PKD1L3: variants seen among roughly 807,000 people sequenced by gnomAD.
PKD1L3 encodes polycystin 1 like 3, transient receptor potential channel interacting.
In PKD1L3, 239 loss-of-function variants were observed where a neutral mutation model predicts 184.1. The observed-to-expected ratio is 1.30, with a 90% confidence interval of 1.17 to 1.45. The LOEUF is 1.45. Among genes scored for constraint, PKD1L3 ranks in the 40% most tolerant of loss-of-function variants. The pLI, the probability that PKD1L3 is intolerant of heterozygous loss-of-function variation, is 0.00. For missense variants in PKD1L3, 2,660 were observed against 2,067.2 expected (o/e 1.29, Z -5.56); for synonymous variants, 996 against 778.8 (o/e 1.28, Z -4.64).
chr16:71,952,984 T>G lies in PKD1L3; in HGVS notation c.2919A>C (p.Pro973=). 6.5e-7 allele frequency: 1 copy of G among 1,549,862 alleles called. No homozygotes were observed. Among genetic ancestry groups the G allele is most frequent in the Non-Finnish European group, 8.7e-7 (1 of 1,146,314 alleles). ...VIGRLFPLIE[P]QETLPLFPPI... is the part of the protein sequence containing the mutation. ...GAGGAAAGAGGGGCAGAGTCTCCTG[T>G]GGCTCAATCAACGGGAAGAGCCGCC... Residue 973 remains proline, a synonymous_variant, in exon 18 of 30, where the codon CCA becomes CCC. Transcript: ENST00000620267.
chr16:71,963,437 A>G, intron 15 of PKD1L3, 86 bp from the exon 16 acceptor site: 2 of 1,333,738 alleles, frequency 1.5e-6, no homozygotes, highest in Non-Finnish European at 2.0e-6. Context: ...CCATTAGTAA[A>G]CTGTCCAAGT....
At chr16:71,992,039 TG>T (rs2040609121) in intron 3 of PKD1L3, among the ~76,000 whole-genome samples, 2 of 152,202 alleles carry the variant, frequency 1.3e-5, no homozygotes, top group South Asian at 4.1e-4. Flanking sequence ...CAGGTTGGAC[TG>T]GAACTCCTGG....
At chr16:71,981,461 GT>G (rs2040150398) in intron 7 of PKD1L3, among the ~76,000 whole-genome samples, 1 of 150,354 alleles carries the variant, frequency 6.7e-6, no homozygotes, top group African/African-American at 2.4e-5. Context: ...GACCAATGAT[GT>G]CGAGCATCTT....
intron 10 of PKD1L3, among the ~76,000 whole-genome samples, chr16:71,977,799 A>G (rs907122612): frequency 1.3e-5 from 2 of 152,020 alleles, no homozygotes; most frequent in Non-Finnish European, 2.9e-5. Context: ...TTTTGAGACC[A>G]AGCATTACTC....
rs554881167 is a variant in PKD1L3 at position 71,998,597 on chromosome 16, C to T, written c.296-203G>A. 9.2e-5 allele frequency among the ~76,000 whole-genome samples: 14 copies of T among 152,188 alleles called. No homozygotes were observed. In the East Asian group the frequency reaches 2.7e-3, roughly 29 times the overall value. Reference sequence around the variant, plus strand: ...TCCCAAGTAGCTGGGATTACAGGCACCCGCCACCACGCCCAGCTAATTTTT... The same window carrying T: ...TCCCAAGTAGCTGGGATTACAGGCATCCGCCACCACGCCCAGCTAATTTTT... On this transcript the variant is annotated intron_variant, in intron 1 of 29. Coordinates refer to ENST00000620267, the MANE Select transcript of PKD1L3 (RefSeq NM_181536.2).
intron 12 of PKD1L3, among the ~76,000 whole-genome samples, chr16:71,970,613 GC>G (rs1347246483): frequency 2.6e-5 from 4 of 152,056 alleles, no homozygotes; most frequent in Non-Finnish European, 5.9e-5. Context: ...TTTGAGACCA[GC>G]CTGGACAACA....
In PKD1L3 at chr16:71,940,659, C is replaced by T. The variant is rs368429015; in HGVS notation, c.4324+1901G>A. Among the ~76,000 whole-genome samples, 30 of 151,880 alleles carry T rather than the reference C, an allele frequency of 2.0e-4. 2 individuals carry two copies. Among genetic ancestry groups the T allele is most frequent in the East Asian group, 1.2e-3 (6 of 5,172 alleles). ...GGATTACAGGCATGTGCCACCATGC[C>T]TGGCTAATTTTTGTATTTTTAGTAG... On this transcript the variant is annotated intron_variant, in intron 24 of 29. Transcript: ENST00000620267.
rs369878323 is a variant in PKD1L3 at position 71,977,287 on chromosome 16, T to G, written c.1708A>C (p.Thr570Pro). 5 of 1,540,700 alleles carry G rather than the reference T, an allele frequency of 3.2e-6. No individual in the cohort carries two copies. Among genetic ancestry groups the G allele is most frequent in the South Asian group, 1.2e-5 (1 of 83,796 alleles). ...AGGGTGATGTTCAGGTGGAAGTGAG[T>G]GCAGTTAGGCTGATACTGGAACCCC... ...YLGFQYQPNCTHFHLNITLPK... is the reference protein window; with the variant it reads ...YLGFQYQPNCPHFHLNITLPK... Residue 570 changes from threonine to proline, a missense_variant, in exon 11 of 30, where the codon ACT becomes CCT. Physicochemically the swap from Thr to Pro is conservative, Grantham distance 38. Transcript: ENST00000620267.
chr16:71,937,740 G>A (rs953255459), intron 24 of PKD1L3, among the ~76,000 whole-genome samples: 4 of 152,268 alleles, frequency 2.6e-5, no homozygotes, highest in Non-Finnish European at 5.9e-5. Context: ...GCAGAGAGAG[G>A]TCTAAAGCAC....
In PKD1L3 at chr16:71,943,001, A is replaced by G. The variant is rs2038415115; in HGVS notation, c.3883T>C (p.Leu1295=). 3 of 1,551,116 alleles carry G rather than the reference A, an allele frequency of 1.9e-6. No individual in the cohort carries two copies. In the African/African-American group the frequency reaches 4.1e-5, roughly 21 times the overall value. ...ILVQILFLTL[L]MTAIYSAKNS... Reference sequence around the variant, plus strand: ...TTTGCAGAGTAGATTGCAGTCATCAACAGGGTAAGGAAGAGGATTTGTACT... The same window carrying G: ...TTTGCAGAGTAGATTGCAGTCATCAGCAGGGTAAGGAAGAGGATTTGTACT... Residue 1295 remains leucine (L), a synonymous_variant, in exon 24 of 30, where the codon TTG becomes CTG. Coordinates refer to ENST00000620267, the MANE Select transcript of PKD1L3 (RefSeq NM_181536.2).
intron 17 of PKD1L3, among the ~76,000 whole-genome samples, chr16:71,953,570 A>G (rs1428283221): frequency 6.6e-6 from 1 of 152,238 alleles, no homozygotes; most frequent in African/African-American, 2.4e-5. Context: ...ACATGGTGGC[A>G]GAAGAGTGAC....
At position 71,999,854 on chromosome 16, in the gene PKD1L3, C is replaced by A; in HGVS notation, c.125G>T (p.Cys42Phe). Reference protein sequence around the residue: ...NNCYQLNRFQCSFEEAQHYCH... With the variant: ...NNCYQLNRFQFSFEEAQHYCH... The stretch of plus-strand genomic sequence containing the variant: ...GTAATGCTGTGCTTCCTCAAAGCTG[C>A]ATTGAAATCTGTTAAGCTGGTAACA... The change falls in exon 1 of 30, where the codon TGC becomes TTC. Residue 42 changes from cysteine (C) to phenylalanine (F), a missense_variant. By Grantham distance (205) the Cys-to-Phe change is radical. Transcript: ENST00000620267. 1.9e-6 allele frequency: 3 copies of A among 1,551,758 alleles called. No homozygotes were observed. Among genetic ancestry groups the A allele is most frequent in the Non-Finnish European group, 1.7e-6 (2 of 1,147,018 alleles).
Position 71,935,423 on chromosome 16 carries a change from C to T in PKD1L3, c.4548G>A (p.Gly1516=), listed in dbSNP as rs1216886399. Residue 1516 remains glycine, a synonymous_variant, in exon 26 of 30, where the codon GGG becomes GGA. Coordinates refer to ENST00000620267, the MANE Select transcript of PKD1L3 (RefSeq NM_181536.2). The stretch of plus-strand genomic sequence containing the variant: ...GTAGAGAAATACTCTTCATGTCAAG[C>T]CCCAGGAGGATGAAGCTAATGAGGA... ...SIILISFILL[G]LDMKSISLHK... is the part of the protein sequence containing the mutation. 1.9e-6 allele frequency: 3 copies of T among 1,551,946 alleles called. No homozygotes were observed. Among genetic ancestry groups the T allele is most frequent in the Middle Eastern group, 1.7e-4 (1 of 5,994 alleles).
rs1465353846 is a variant in PKD1L3 at position 71,968,020 on chromosome 16, C to T, written c.2185-13G>A. 26 of 1,544,162 alleles carry T rather than the reference C, an allele frequency of 1.7e-5. No individual in the cohort carries two copies. The highest frequency in any genetic ancestry group is 2.3e-5 in the Non-Finnish European group (26 of 1,140,456). On this transcript the variant is annotated splice_polypyrimidine_tract_variant and intron_variant, in intron 13 of 29. Coordinates refer to ENST00000620267, the MANE Select transcript of PKD1L3 (RefSeq NM_181536.2). ...CAGTGACCTTCACCTGCAAGAAAAG[C>T]AGAACCATGCAACTTACTAGGCCTC...
Position 71,986,237 on chromosome 16 carries a change from T to C in PKD1L3, c.818A>G (p.Gln273Arg). 6.4e-7 allele frequency: 1 copy of C among 1,552,370 alleles called. No homozygotes were observed. The highest frequency in any genetic ancestry group is 8.7e-7 in the Non-Finnish European group (1 of 1,147,124). The change falls in exon 5 of 30, where the codon CAG becomes CGG. Residue 273 changes from glutamine to arginine, a missense_variant. Coordinates refer to ENST00000620267, the MANE Select transcript of PKD1L3 (RefSeq NM_181536.2). The part of the protein sequence containing the change: ...TFTSYLQVSL[Q>R]KASGQVIDEI... The stretch of plus-strand genomic sequence containing the variant: ...CATGTTTACCTGACCAGATGCCTTC[T>C]GCAATGACACTTGTAGATAAGAGGT...
At position 71,978,495 on chromosome 16, in the gene PKD1L3, G is replaced by GTGTATATA. The variant is rs1467316917; in HGVS notation, c.1399-113_1399-112insTATATACA. The GTGTATATA allele has an allele frequency of 2.8e-5, 4 of 144,462 alleles. No individual in the cohort carries two copies. The Admixed American group carries it at 4.1e-4, about 15-fold the overall frequency. The allele number at this position is 144,462 out of a possible 1,614,324, so 8.9% of individuals were successfully genotyped here. On this transcript the variant is annotated intron_variant, in intron 9 of 29. Transcript: ENST00000620267. ...TATATATGTGTGTGTGTGTGTGTGTGTATATATATATATATATATATATAT... is the reference window on the plus strand; with the variant it reads ...TATATATGTGTGTGTGTGTGTGTGTGTGTATATATATATATATATATATATATATATAT...
rs550619169 is a variant in PKD1L3, at chr16:71,994,734, C to T, written c.419-1402G>A. Among the ~76,000 whole-genome samples, 74 of 152,230 alleles carry T rather than the reference C, an allele frequency of 4.9e-4. 1 individual carries two copies. In the South Asian group the frequency reaches 0.015, roughly 31 times the overall value. On this transcript the variant is annotated intron_variant, in intron 2 of 29. Transcript: ENST00000620267. Reference sequence around the variant, plus strand: ...TGTTAACAGGCTGGGTGTGGTGGCTCATGCCTGTAATCCCCGCACTTAGGG... The same window carrying T: ...TGTTAACAGGCTGGGTGTGGTGGCTTATGCCTGTAATCCCCGCACTTAGGG...
chr16:71,948,429 C>A (rs1159848804), intron 21 of PKD1L3, among the ~76,000 whole-genome samples: 7 of 152,074 alleles, frequency 4.6e-5, no homozygotes, highest in Non-Finnish European at 7.3e-5. Context: ...CTGTGTTGAC[C>A]AGGTTGGTCT....
At chr16:71,975,183 G>T (rs1436257927) in intron 11 of PKD1L3, among the ~76,000 whole-genome samples, 1 of 151,430 alleles carries the variant, frequency 6.6e-6, no homozygotes, top group East Asian at 1.9e-4. Context: ...AGCCTCCCAA[G>T]TAGTTAGGAC....
Sources: allele counts gnomAD v4.1 joint callset (sites outside exome capture counted in the v4.1 genomes callset), GRCh38; gene constraint gnomAD v4.1.1; transcripts MANE v1.5; gene names NCBI Gene and HGNC (gene_info 2026-07-23, HGNC 2026-07-21).